Variants in PDGFD observed in about 807,000 individuals in gnomAD.
The protein encoded by PDGFD is platelet-derived growth factor D.
PDGFD carries 30 observed loss-of-function variants against 44.7 expected under a neutral mutation model. That is an observed-to-expected ratio of 0.67 (90% CI 0.50 to 0.91). The LOEUF (loss-of-function observed/expected upper bound fraction) is 0.91. Ranked by LOEUF, PDGFD falls within the 40% of genes least tolerant of loss-of-function variation. The pLI, the probability that PDGFD is intolerant of heterozygous loss-of-function variation, is 0.00. For synonymous variants in PDGFD, 173 were observed against 168.4 expected (o/e 1.03, Z -0.21); for missense variants, 445 against 457.8 (o/e 0.97, Z 0.25).
At chr11:104,020,084 A>T (rs1419490715) in intron 1 of PDGFD, among the ~76,000 whole-genome samples, 1 of 152,200 alleles carries the variant, frequency 6.6e-6, no homozygotes, top group Non-Finnish European at 1.5e-5. Context: ...ACAAATTTCT[A>T]GGCAGCAAAC....
chr11:103,920,263 G>C (rs1356910631), intron 6 of PDGFD, among the ~76,000 whole-genome samples: 1 of 152,226 alleles, frequency 6.6e-6, no homozygotes, highest in Admixed American at 6.5e-5. Context: ...ACTTCAAATA[G>C]ATGCGTTCTG....
At chr11:104,069,659 G>A (rs1860844616) in intron 1 of PDGFD, among the ~76,000 whole-genome samples, 1 of 152,184 alleles carries the variant, frequency 6.6e-6, no homozygotes, top group Non-Finnish European at 1.5e-5. Context: ...AGGAGATCGA[G>A]ACCATCCTGG....
chr11:103,962,546 C>A (rs2134337981), intron 3 of PDGFD, among the ~76,000 whole-genome samples: 1 of 152,190 alleles, frequency 6.6e-6, no homozygotes, highest in African/African-American at 2.4e-5. Flanking sequence ...GAAGAGGAGG[C>A]AAGTTGAGAA....
intron 3 of PDGFD, among the ~76,000 whole-genome samples, chr11:103,982,452 G>A (rs1436246639): frequency 6.6e-6 from 1 of 151,534 alleles, no homozygotes; most frequent in African/African-American, 2.4e-5. Context: ...AGGCATGTAT[G>A]TGGGTTTTTA....
At chr11:104,024,276 A>G (rs1274045462) in intron 1 of PDGFD, among the ~76,000 whole-genome samples, 1 of 151,126 alleles carries the variant, frequency 6.6e-6, no homozygotes, top group Non-Finnish European at 1.5e-5. Flanking sequence ...GGTACCATGC[A>G]AAAAAAAAGA....
chr11:103,956,882 A>G (rs1405974785), intron 3 of PDGFD, among the ~76,000 whole-genome samples: 1 of 152,084 alleles, frequency 6.6e-6, no homozygotes, highest in African/African-American at 2.4e-5. Context: ...GTCTGTTCAT[A>G]TCCTTCACCC....
In PDGFD at chr11:103,909,679, G is replaced by C; in HGVS notation, c.*15C>G. ...AAGGTTCTTTCAGGCTTAATGTAAG[G>C]ATGTGCACATTCTCTTATCGAGGTG... On this transcript the variant is annotated 3_prime_UTR_variant, in exon 7 of 7. Transcript: ENST00000393158. 6.2e-7 allele frequency: 1 copy of C among 1,613,930 alleles called. No individual in the cohort carries two copies. Among genetic ancestry groups the C allele is most frequent in the South Asian group, 1.1e-5 (1 of 91,072 alleles).
At chr11:104,100,380 A>C (rs1479261648) in intron 1 of PDGFD, among the ~76,000 whole-genome samples, 3 of 152,298 alleles carry the variant, frequency 2.0e-5, no homozygotes, top group East Asian at 1.9e-4. Context: ...TGGATAAATT[A>C]CTCGATACAT....
chr11:104,000,235 A>G lies in PDGFD; in HGVS notation c.145T>C (p.Leu49=). 1.9e-6 allele frequency: 3 copies of G among 1,614,022 alleles called. No individual in the cohort carries two copies. The highest frequency in any genetic ancestry group is 2.5e-6 in the Non-Finnish European group (3 of 1,179,952). The change falls in exon 2 of 7, where the codon TTG becomes CTG. Residue 49 remains leucine, a synonymous_variant. Coordinates refer to ENST00000393158, the MANE Select transcript of PDGFD (RefSeq NM_025208.5). ...TGGATGGTCTCATCTCTTCGGTACA[A>G]GTCTGTGAGGTGATTGCTCTCTGTT... The part of the protein sequence containing the change: ...RRDESNHLTD[L]YRRDETIQVK...
At chr11:104,146,409 T>C (rs1862163669) in intron 1 of PDGFD, among the ~76,000 whole-genome samples, 1 of 152,216 alleles carries the variant, frequency 6.6e-6, no homozygotes, top group Non-Finnish European at 1.5e-5. Flanking sequence ...ATGTGGTTAA[T>C]CCTGCTCTTA....
intron 1 of PDGFD, among the ~76,000 whole-genome samples, chr11:104,111,982 C>T (rs943297739): frequency 2.0e-5 from 3 of 152,098 alleles, no homozygotes; most frequent in Non-Finnish European, 4.4e-5. Flanking sequence ...TGGCAGTATC[C>T]TGCTTATTAT....
At chr11:104,120,961 G>A (rs1861771165) in intron 1 of PDGFD, among the ~76,000 whole-genome samples, 1 of 151,898 alleles carries the variant, frequency 6.6e-6, no homozygotes, top group Non-Finnish European at 1.5e-5. Context: ...TTACGTAGCA[G>A]GCCCACAATA....
At chr11:104,037,490 T>C (rs759978424) in intron 1 of PDGFD, 55 of 1,613,760 alleles carry the variant, frequency 3.4e-5, no homozygotes, top group Non-Finnish European at 4.6e-5. Context: ...CAGCAAAACA[T>C]TGAAGAAAAC....
chr11:104,057,747 C>T lies in PDGFD; in HGVS notation c.125-57492G>A, dbSNP rs550123168. On this transcript the variant is annotated intron_variant, in intron 1 of 6. Transcript: ENST00000393158. Reference sequence around the variant, plus strand: ...AGAAAAAGTAAAACAAAATGGAAGTCTCATAATACCTGATTTCAAGACTTA... The same window carrying T: ...AGAAAAAGTAAAACAAAATGGAAGTTTCATAATACCTGATTTCAAGACTTA... Among the ~76,000 whole-genome samples the T allele has an allele frequency of 3.3e-5, 5 of 152,014 alleles. No homozygotes were observed. In the South Asian group the frequency reaches 1.0e-3, roughly 31 times the overall value.
intron 1 of PDGFD, among the ~76,000 whole-genome samples, chr11:104,028,977 G>T (rs889097360): frequency 6.6e-6 from 1 of 152,124 alleles, no homozygotes; most frequent in Admixed American, 6.6e-5. Context: ...CCTGTCCTCT[G>T]GAGGCCTCCA....
intron 4 of PDGFD, 120 bp from the exon 5 acceptor site, chr11:103,943,770 G>T: frequency 1.3e-6 from 1 of 746,892 alleles, no homozygotes. Flanking sequence ...TCATACGTTT[G>T]AATGCTATGT....
At chr11:104,028,989 C>T (rs943365026) in intron 1 of PDGFD, among the ~76,000 whole-genome samples, 4 of 152,084 alleles carry the variant, frequency 2.6e-5, no homozygotes, top group African/African-American at 4.8e-5. Flanking sequence ...AGGCCTCCAA[C>T]GACTTCTGTG....
At chr11:104,110,353 G>A (rs1318762940) in intron 1 of PDGFD, among the ~76,000 whole-genome samples, 1 of 151,318 alleles carries the variant, frequency 6.6e-6, no homozygotes, top group Non-Finnish European at 1.5e-5. Flanking sequence ...AAAATTACTT[G>A]AACTGTATCC....
chr11:104,040,962 G>T (rs1442927249), intron 1 of PDGFD, among the ~76,000 whole-genome samples: 1 of 151,654 alleles, frequency 6.6e-6, no homozygotes, highest in Non-Finnish European at 1.5e-5. Context: ...TGACCAGATT[G>T]CTCTATTCAG....
Sources: gnomAD v4.1 joint callset for allele counts (sites outside exome capture counted in the v4.1 genomes callset) on GRCh38, gnomAD v4.1.1 for gene constraint, MANE v1.5 for transcripts, NCBI Gene and HGNC (gene_info 2026-07-23, HGNC 2026-07-21) for gene names.